The following PER1 variants were observed in gnomAD, a reference collection of about 807,000 sequenced individuals.
PER1 encodes the protein period circadian protein homolog 1.
In PER1, 87 loss-of-function variants were observed where a neutral mutation model predicts 125.9. The ratio of observed to expected loss-of-function variants is 0.69; its 90% CI spans 0.58 to 0.83. PER1 has a LOEUF of 0.83. PER1 is among the 40% of genes least tolerant of loss of function. The pLI is 0.00. For missense variants in PER1, 1,775 were observed against 1,722.8 expected, an observed-to-expected ratio of 1.03 and a Z score of -0.54; for synonymous variants, 801 against 714.7, an observed-to-expected ratio of 1.12 and a Z score of -1.93.
chr17:8,148,795 GGA>G lies in PER1; in HGVS notation c.906-11_906-10del. On this transcript the variant is annotated splice_polypyrimidine_tract_variant and intron_variant, in intron 7 of 22. Coordinates refer to ENST00000317276, the MANE Select transcript of PER1 (RefSeq NM_002616.3). ...CCCGGTCAGGACCTCCTCTAGCAAA[GGA>G]GAGAGGAGCATTAGGGACTTTCAAC... 6.2e-7 allele frequency: 1 copy of G among 1,612,994 alleles called. No individual in the cohort carries two copies. Among genetic ancestry groups the G allele is most frequent in the South Asian group, 1.1e-5 (1 of 90,960 alleles).
At position 8,147,760 on chromosome 17, in the gene PER1, A is replaced by G; in HGVS notation, c.1302T>C (p.Tyr434=). 1.2e-6 allele frequency: 2 copies of G among 1,614,082 alleles called. No homozygotes were observed. The highest frequency in any genetic ancestry group is 1.6e-4 in the Middle Eastern group (1 of 6,062). ...PIRFCARNGE[Y]VTMDTSWAGF... ...CAGCCCAGCTGGTGTCCATGGTGAC[A>G]TACTCCCCGTTGCGGGCACAGAAGC... is the stretch of plus-strand genomic sequence containing the variant. The change falls in exon 11 of 23, where the codon TAT becomes TAC. Residue 434 remains tyrosine (Y), a synonymous_variant. Coordinates refer to ENST00000317276, the MANE Select transcript of PER1 (RefSeq NM_002616.3).
rs1982607273 is a variant in PER1, at chr17:8,148,539, T to G, written c.1048+105A>C. On this transcript the variant is annotated intron_variant, in intron 8 of 22. Coordinates refer to ENST00000317276, the MANE Select transcript of PER1 (RefSeq NM_002616.3). ...TCATCTTTACAATAGCTTTTCTTGTTCCAAAATTCAAAGGGTGTGGTTCAT... is the reference window on the plus strand; with the variant it reads ...TCATCTTTACAATAGCTTTTCTTGTGCCAAAATTCAAAGGGTGTGGTTCAT... 21 of 1,362,280 alleles carry G rather than the reference T, an allele frequency of 1.5e-5. 1 individual carries two copies. The South Asian group carries it at 2.8e-4, about 18-fold the overall frequency. The allele number at this position is 1,362,280 out of a possible 1,614,324, so 84.4% of individuals were successfully genotyped here. A position where few individuals can be genotyped will look rare whatever the true frequency, so the allele number is the denominator to read the frequency against.
Position 8,146,947 on chromosome 17 carries a change from T to C in PER1, c.1685A>G (p.Gln562Arg). 2.5e-6 allele frequency: 4 copies of C among 1,614,098 alleles called. No individual in the cohort carries two copies. The highest frequency in any genetic ancestry group is 3.4e-6 in the Non-Finnish European group (4 of 1,180,002). The change falls in exon 14 of 23, where the codon CAG (glutamine) becomes CGG (arginine). Residue 562 changes from glutamine to arginine, a missense_variant. Physicochemically the swap from Gln to Arg is conservative, Grantham distance 43. Transcript: ENST00000317276. The stretch of plus-strand genomic sequence containing the variant: ...CCGGGCCCGAGACTCAATAAAAAGC[T>C]GCTGGCCCTGGTGCTTCACCAGATG... ...DVHLVKHQGQQLFIESRARPQ... is the reference protein window; with the variant it reads ...DVHLVKHQGQRLFIESRARPQ...
At position 8,150,682 on chromosome 17, in the gene PER1, C is replaced by CG; in HGVS notation, c.24_25insC (p.Asp9ArgfsTer36). On this transcript the variant is annotated frameshift_variant, in exon 2 of 23. Coordinates refer to ENST00000317276, the MANE Select transcript of PER1 (RefSeq NM_002616.3). LOFTEE classifies it high-confidence loss of function. ...CCAGGCCTGGGGTCCCCTCCCCCATCAGCCCCTTCTAGGGGGCCACTCATG... is the reference window on the plus strand; with the variant it reads ...CCAGGCCTGGGGTCCCCTCCCCCATCGAGCCCCTTCTAGGGGGCCACTCATG... The CG allele has an allele frequency of 1.9e-6, 3 of 1,579,320 alleles. No individual in the cohort carries two copies. Among genetic ancestry groups the CG allele is most frequent in the South Asian group, 1.2e-5 (1 of 86,706 alleles).
At chr17:8,146,528 T>C in intron 15 of PER1, 26 bp from the exon 16 acceptor site, 1 of 1,608,286 alleles carries the variant, frequency 6.2e-7, no homozygotes, top group Non-Finnish European at 8.5e-7. Context: ...GCACAGGGCA[T>C]CAGAGCAGGG....
intron 17 of PER1, 45 bp from the exon 18 acceptor site, chr17:8,145,038 G>A (rs768526664): frequency 7.0e-7 from 1 of 1,431,362 alleles, no homozygotes; most frequent in Non-Finnish European, 9.2e-7. Context: ...CCACTTCAGG[G>A]GTCAACACAT....
chr17:8,142,381 C>A lies in PER1; in HGVS notation c.3337G>T (p.Gly1113Cys), dbSNP rs778020756. 4 of 1,613,140 alleles carry A rather than the reference C, an allele frequency of 2.5e-6. No individual in the cohort carries two copies. Among genetic ancestry groups the A allele is most frequent in the African/African-American group, 1.3e-5 (1 of 74,890 alleles). The change falls in exon 21 of 23, where the codon GGC becomes TGC. Residue 1113 changes from glycine to cysteine, a missense_variant. Coordinates refer to ENST00000317276, the MANE Select transcript of PER1 (RefSeq NM_002616.3). ...SSEAEAGAAR[G>C]GAEPGDQVIK... Reference sequence around the variant, plus strand: ...ACCTGGTCCCCAGGCTCAGCCCCGCCCCGAGCAGCCCCAGCCTCAGCCTCG... The same window carrying A: ...ACCTGGTCCCCAGGCTCAGCCCCGCACCGAGCAGCCCCAGCCTCAGCCTCG...
rs781738926 is a variant in PER1, at chr17:8,149,621, C to G, written c.694G>C (p.Val232Leu). 7 of 1,611,742 alleles carry G rather than the reference C, an allele frequency of 4.3e-6. No individual in the cohort carries two copies. Among genetic ancestry groups the G allele is most frequent in the Middle Eastern group, 3.3e-4 (2 of 6,056 alleles). The change falls in exon 6 of 23, where the codon GTC (valine) becomes CTC (leucine). Residue 232 changes from valine to leucine, a missense_variant. Val to Leu is a conservative substitution (Grantham distance 32). Coordinates refer to ENST00000317276, the MANE Select transcript of PER1 (RefSeq NM_002616.3). ...ACGGCTGCCTGCTCCGAAATGTAGA[C>G]GATTCGGCCCGTCAGGAAGGAGACA... Reference protein sequence around the residue: ...VAVSFLTGRIVYISEQAAVLL... With the variant: ...VAVSFLTGRILYISEQAAVLL...
Position 8,149,485 on chromosome 17 carries a change from G to C in PER1, c.830C>G (p.Thr277Ser), listed in dbSNP as rs776346326. The change falls in exon 6 of 23, where the codon ACC becomes AGC. Residue 277 changes from threonine (T) to serine (S), a missense_variant. Thr to Ser is a moderately conservative substitution (Grantham distance 58). Coordinates refer to ENST00000317276, the MANE Select transcript of PER1 (RefSeq NM_002616.3). ...ACCTGCTGAGGCCCCTGTGCCCCAG[G>C]TGGGCAGGCGAGATGGAGCAGTGGA... ...YGSTAPSRLP[T>S]WGTGASAGSG... The C allele has an allele frequency of 5.6e-6, 9 of 1,613,510 alleles. No individual in the cohort carries two copies. In the South Asian group the frequency reaches 7.7e-5, roughly 14 times the overall value.
chr17:8,150,723 G>A lies in PER1; in HGVS notation c.-17C>T, dbSNP rs757109198. On this transcript the variant is annotated 5_prime_UTR_variant, in exon 2 of 23. Transcript: ENST00000317276. ...GCCACTCATGTCTGGGCCATGGGGA[G>A]AACAGAACAGAGAAGGCAGAGAGGC... The A allele has an allele frequency of 4.1e-5, 63 of 1,522,454 alleles. No individual in the cohort carries two copies. The highest frequency in any genetic ancestry group is 5.3e-5 in the Non-Finnish European group (61 of 1,144,018). The allele number at this position is 1,522,454 out of a possible 1,614,324, so 94.3% of individuals were successfully genotyped here.
At chr17:8,144,696 C>T (rs953787285) in intron 18 of PER1, 55 bp downstream of exon 18, 8 of 1,538,272 alleles carry the variant, frequency 5.2e-6, no homozygotes, top group Middle Eastern at 1.7e-4. Context: ...CACCCCCCAA[C>T]AATCCAGTCC....
rs200956571 is a variant in PER1, at chr17:8,147,613, G to A, written c.1389-35C>T. ...GAAGAGTGAATCCAGCCCTGGCCCG[G>A]TCCTGTCCCCCACCGCACTGCCCTA... is the stretch of plus-strand genomic sequence containing the variant. On this transcript the variant is annotated intron_variant, in intron 11 of 22. Transcript: ENST00000317276. 3.0e-5 allele frequency: 48 copies of A among 1,613,170 alleles called. No individual in the cohort carries two copies. The East Asian group carries it at 1.1e-3, about 36-fold the overall frequency.
Position 8,142,840 on chromosome 17 carries a change from A to G in PER1, c.3073-5T>C. On this transcript the variant is annotated splice_region_variant and splice_polypyrimidine_tract_variant and intron_variant, in intron 19 of 22. Transcript: ENST00000317276. Reference sequence around the variant, plus strand: ...GGAGGACTCAGTGACCTCCGCCTGGAGGAGGGGAGGGGGGCAAGGAGGGAT... The same window carrying G: ...GGAGGACTCAGTGACCTCCGCCTGGGGGAGGGGAGGGGGGCAAGGAGGGAT... 1 of 1,587,952 alleles carries G rather than the reference A, an allele frequency of 6.3e-7. No homozygotes were observed. Among genetic ancestry groups the G allele is most frequent in the Non-Finnish European group, 8.5e-7 (1 of 1,169,940 alleles).
rs201133119 is a variant in PER1 at position 8,143,460 on chromosome 17, C to G, written c.2878G>C (p.Ala960Pro). 3.1e-6 allele frequency: 5 copies of G among 1,600,802 alleles called. No homozygotes were observed. The Admixed American group carries it at 6.8e-5, about 22-fold the overall frequency. The change falls in exon 19 of 23, where the codon GCC becomes CCC. Residue 960 changes from alanine (A) to proline (P), a missense_variant. Transcript: ENST00000317276. Reference sequence around the variant, plus strand: ...CGGTGAGGAGGACTCGGGGCGAGGGCGGGCAAGGATGGAGAAGGGGAGTGC... The same window carrying G: ...CGGTGAGGAGGACTCGGGGCGAGGGGGGGCAAGGATGGAGAAGGGGAGTGC... ...ASHSPSPSLP[A>P]LAPSPPHRPD...
Position 8,143,426 on chromosome 17 carries a change from G to C in PER1, c.2912C>G (p.Ser971Cys), listed in dbSNP as rs752455850. The C allele has an allele frequency of 6.2e-7, 1 of 1,612,958 alleles. No homozygotes were observed. The highest frequency in any genetic ancestry group is 8.5e-7 in the Non-Finnish European group (1 of 1,179,516). The change falls in exon 19 of 23, where the codon TCT (serine) becomes TGT (cysteine). Residue 971 changes from serine to cysteine, a missense_variant. Physicochemically the swap from Ser to Cys is moderately radical, Grantham distance 112. Transcript: ENST00000317276. ...GCTGCATCTCGAGTTGAACAGTGGA[G>C]AGTCCGGGCGGTGAGGAGGACTCGG... ...LAPSPPHRPD[S>C]PLFNSRCSSP...
chr17:8,151,550 G>A (rs993124066), intron 1 of PER1, among the ~76,000 whole-genome samples: 10 of 152,138 alleles, frequency 6.6e-5, no homozygotes, highest in Non-Finnish European at 7.4e-5. Flanking sequence ...GGCTTCCCCA[G>A]GACGAAGCAC....
At position 8,143,840 on chromosome 17, in the gene PER1, T is replaced by C. The variant is rs140132440; in HGVS notation, c.2498A>G (p.His833Arg). 3.0e-5 allele frequency: 48 copies of C among 1,611,180 alleles called. No individual in the cohort carries two copies. In the Middle Eastern group the frequency reaches 6.6e-4, roughly 22 times the overall value. ...GCGCTTGGCTTTGGATCGGCAGTGG[T>C]GTCGGCGGCTTGGGGGTGCGGGGCC... ...HHGPAPPSRR[H>R]HCRSKAKRSR... is the part of the protein sequence containing the mutation. The change falls in exon 19 of 23, where the codon CAC (histidine) becomes CGC (arginine). Residue 833 changes from histidine to arginine, a missense_variant. By Grantham distance (29) the His-to-Arg change is conservative. Coordinates refer to ENST00000317276, the MANE Select transcript of PER1 (RefSeq NM_002616.3).
chr17:8,144,152 C>G, intron 18 of PER1: 2 of 482,252 alleles, frequency 4.1e-6, no homozygotes, highest in Non-Finnish European at 7.3e-6. Context: ...GGCATGCTGG[C>G]AGATGGAGGA....
At position 8,146,139 on chromosome 17, in the gene PER1, T is replaced by C; in HGVS notation, c.2039-2A>G. On this transcript the variant is annotated splice_acceptor_variant, in intron 16 of 22. Coordinates refer to ENST00000317276, the MANE Select transcript of PER1 (RefSeq NM_002616.3). LOFTEE classifies it high-confidence loss of function. Reference sequence around the variant, plus strand: ...CAGACAGCGCTGCTGACGGCGGATCTGTGCAGAGAGATGGTGCCAGTTACC... The same window carrying C: ...CAGACAGCGCTGCTGACGGCGGATCCGTGCAGAGAGATGGTGCCAGTTACC... 1 of 1,588,620 alleles carries C rather than the reference T, an allele frequency of 6.3e-7. No individual in the cohort carries two copies. Among genetic ancestry groups the C allele is most frequent in the Non-Finnish European group, 8.6e-7 (1 of 1,167,512 alleles).
Sources: allele counts gnomAD v4.1 joint callset (sites outside exome capture counted in the v4.1 genomes callset), GRCh38; gene constraint gnomAD v4.1.1; transcripts MANE v1.5; gene names NCBI Gene and HGNC (gene_info 2026-07-23, HGNC 2026-07-21).